SYT1: variants seen among roughly 807,000 people sequenced by gnomAD.
SYT1 encodes synaptotagmin 1.
A neutral mutation model predicts 44.8 loss-of-function variants in SYT1; 8 were observed. The observed-to-expected ratio is 0.18, with a 90% confidence interval of 0.10 to 0.32. The LOEUF (loss-of-function observed/expected upper bound fraction) is 0.32, where lower values mean the gene tolerates loss of function less well. Among genes scored for constraint, SYT1 ranks in the 10% least tolerant of loss-of-function variants. SYT1 has a pLI of 1.00. For missense variants in SYT1, 286 were observed against 509.3 expected, an observed-to-expected ratio of 0.56 and a Z score of 4.22; for synonymous variants, 154 against 188.8, an observed-to-expected ratio of 0.82 and a Z score of 1.51.
chr12:78,892,851 A>T (rs968008062), intron 1 of SYT1, among the ~76,000 whole-genome samples: 1 of 151,856 alleles, frequency 6.6e-6, no homozygotes, highest in African/African-American at 2.4e-5. Context: ...TGTTGAAATA[A>T]CTAGATATGA....
chr12:79,368,473 A>G (rs1217828615), intron 9 of SYT1, among the ~76,000 whole-genome samples: 20 of 151,036 alleles, frequency 1.3e-4, no homozygotes, highest in African/African-American at 4.8e-4. Context: ...GAATTGCCAC[A>G]CTGACTTCCA....
chr12:79,308,618 AAGAAAGAAAG>A lies in SYT1; in HGVS notation c.810+9069_810+9078del, dbSNP rs1565901531. On this transcript the variant is annotated intron_variant, in intron 8 of 10. Coordinates refer to ENST00000261205, the MANE Select transcript of SYT1 (RefSeq NM_005639.3). ...AGAAAGAAAGAAAGAAAGAAAAAGA[AAGAAAGAAAG>A]AAAGAAAGAAAGAAAGAAAGAAAGA... 1.6e-3 allele frequency among the ~76,000 whole-genome samples: 40 copies of A among 25,372 alleles called. No homozygotes were observed. The Middle Eastern group carries it at 0.065, about 41-fold the overall frequency. The allele number at this position is 25,372 out of a possible 152,430, so 16.6% of individuals were successfully genotyped here. A position where few individuals can be genotyped will look rare whatever the true frequency, so the allele number is the denominator to read the frequency against.
At chr12:79,343,392 AG>A (rs1188125051) in intron 8 of SYT1, among the ~76,000 whole-genome samples, 3 of 152,208 alleles carry the variant, frequency 2.0e-5, no homozygotes, top group Non-Finnish European at 4.4e-5. Context: ...ACATTTTGTG[AG>A]CCAGGAACTC....
chr12:79,386,419 G>A (rs1451809708), intron 9 of SYT1, among the ~76,000 whole-genome samples: 3 of 151,424 alleles, frequency 2.0e-5, no homozygotes, highest in Non-Finnish European at 2.9e-5. Flanking sequence ...TGTTACATAG[G>A]TATACACATG....
At chr12:79,448,867 G>A in intron 10 of SYT1, 51 bp from the exon 11 acceptor site, 1 of 1,554,080 alleles carries the variant, frequency 6.4e-7, no homozygotes, top group Non-Finnish European at 8.9e-7. Flanking sequence ...TTATAGTCGG[G>A]CCTTATCTCT....
At position 78,885,054 on chromosome 12, in the gene SYT1, C is replaced by A. The variant is rs574435910; in HGVS notation, c.-217+19945C>A. Among the ~76,000 whole-genome samples the A allele has an allele frequency of 1.0e-3, 153 of 151,964 alleles. 1 individual carries two copies. Among genetic ancestry groups the A allele is most frequent in the African/African-American group, 2.6e-3 (108 of 41,492 alleles). On this transcript the variant is annotated intron_variant, in intron 1 of 10. Coordinates refer to ENST00000261205, the MANE Select transcript of SYT1 (RefSeq NM_005639.3). The stretch of plus-strand genomic sequence containing the variant: ...GATACTATTTGCTTTTAGGTCATAG[C>A]TGTTAAATGTTCGGGGATTTGGATT...
chr12:79,124,260 T>A (rs1868334891), intron 3 of SYT1, among the ~76,000 whole-genome samples: 1 of 152,164 alleles, frequency 6.6e-6, no homozygotes, highest in South Asian at 2.1e-4. Context: ...AGCACCAACA[T>A]GATGTAATTG....
At chr12:78,871,858 C>T (rs1367019735) in intron 1 of SYT1, among the ~76,000 whole-genome samples, 2 of 151,920 alleles carry the variant, frequency 1.3e-5, no homozygotes, top group East Asian at 3.9e-4. Context: ...ATTTCTAGAG[C>T]ACCGAGACCT....
At chr12:79,247,429 A>G (rs1384101795) in intron 4 of SYT1, among the ~76,000 whole-genome samples, 1 of 152,150 alleles carries the variant, frequency 6.6e-6, no homozygotes, top group Admixed American at 6.5e-5. Flanking sequence ...TTAACATACC[A>G]CTGCTGGGAT....
At chr12:78,952,722 A>G (rs1418235063) in intron 1 of SYT1, among the ~76,000 whole-genome samples, 1 of 152,116 alleles carries the variant, frequency 6.6e-6, no homozygotes, top group Non-Finnish European at 1.5e-5. Context: ...CTTTATGACC[A>G]CTATGTAAAT....
chr12:79,386,510 A>C (rs1425590642), intron 9 of SYT1, among the ~76,000 whole-genome samples: 1 of 151,498 alleles, frequency 6.6e-6, no homozygotes, highest in Non-Finnish European at 1.5e-5. Context: ...TAGCCCCCCA[A>C]CCCCCACAGA....
At chr12:79,126,239 TTTTTGTTTTG>T (rs540075954) in intron 3 of SYT1, among the ~76,000 whole-genome samples, 10 of 151,954 alleles carry the variant, frequency 6.6e-5, no homozygotes, top group South Asian at 2.1e-4. Flanking sequence ...ATAAAAGTGG[TTTTTGTTTTG>T]TTTTGTTTTG....
intron 9 of SYT1, among the ~76,000 whole-genome samples, chr12:79,389,239 T>A (rs1014474540): frequency 2.0e-5 from 3 of 152,210 alleles, no homozygotes; most frequent in African/African-American, 7.2e-5. Context: ...ATCAGATCTT[T>A]TAACAAAACA....
At chr12:79,231,305 A>G (rs1028711747) in intron 4 of SYT1, among the ~76,000 whole-genome samples, 4 of 152,146 alleles carry the variant, frequency 2.6e-5, no homozygotes, top group African/African-American at 9.7e-5. Context: ...GTGTCTCCCC[A>G]GCCTGTCTTT....
intron 1 of SYT1, among the ~76,000 whole-genome samples, chr12:78,889,679 G>C (rs912743088): frequency 3.4e-5 from 5 of 148,352 alleles, no homozygotes; most frequent in African/African-American, 1.0e-4. Flanking sequence ...AAGAAAGAAA[G>C]GTTATTGAAC....
At chr12:78,931,363 A>C (rs1373786495) in intron 1 of SYT1, among the ~76,000 whole-genome samples, 1 of 89,402 alleles carries the variant, frequency 1.1e-5, no homozygotes, top group African/African-American at 4.1e-5. Flanking sequence ...GAAGGAAGGA[A>C]GGAAGGAAGG....
rs1565789265 is a variant in SYT1, at chr12:79,064,944, GA to G, written c.-18+17585del. Among the ~76,000 whole-genome samples, 5 of 130,208 alleles carry G rather than the reference GA, an allele frequency of 3.8e-5. No homozygotes were observed. The South Asian group carries it at 1.3e-3, about 34-fold the overall frequency. 85.4% of individuals were successfully genotyped at this position (130,208 alleles called of 152,430 possible). A position where few individuals can be genotyped will look rare whatever the true frequency, so the allele number is the denominator to read the frequency against. ...AAATAGAGAGAAAGAAAGAAAGAAA[GA>G]AAGAAAGAAAGAAAGAAAGAAAGAA... On this transcript the variant is annotated intron_variant, in intron 3 of 10. Coordinates refer to ENST00000261205, the MANE Select transcript of SYT1 (RefSeq NM_005639.3).
intron 3 of SYT1, among the ~76,000 whole-genome samples, chr12:79,097,665 T>G (rs1471868138): frequency 6.6e-6 from 1 of 152,032 alleles, no homozygotes; most frequent in East Asian, 1.9e-4. Context: ...TTACCCAGCT[T>G]TATTCAAGAA....
intron 1 of SYT1, among the ~76,000 whole-genome samples, chr12:78,958,189 A>G (rs1879310718): frequency 6.6e-6 from 1 of 152,172 alleles, no homozygotes; most frequent in African/African-American, 2.4e-5. Flanking sequence ...GTTTCAAGCA[A>G]CAGCACAAAC....
Sources: allele counts gnomAD v4.1 joint callset (sites outside exome capture counted in the v4.1 genomes callset), GRCh38; gene constraint gnomAD v4.1.1; transcripts MANE v1.5; gene names NCBI Gene and HGNC (gene_info 2026-07-23, HGNC 2026-07-21).